CFAP54: variants seen among roughly 807,000 people sequenced by gnomAD.
CFAP54 encodes cilia- and flagella-associated protein 54.
A neutral mutation model predicts 370.4 loss-of-function variants in CFAP54; 290 were observed. The observed-to-expected ratio is 0.78, with a 90% CI of 0.71 to 0.86. CFAP54 has a LOEUF of 0.86. CFAP54 is among the 40% of genes least tolerant of loss of function. The pLI is 0.00. For missense variants in CFAP54, 3,399 were observed against 3,528.7 expected, an observed-to-expected ratio of 0.96 and a Z score of 0.93; for synonymous variants, 1,206 against 1,236.5, an observed-to-expected ratio of 0.98 and a Z score of 0.52.
chr12:96,534,332 A>G, intron 11 of CFAP54, 105 bp downstream of exon 11: 1 of 671,178 alleles, frequency 1.5e-6, no homozygotes, highest in South Asian at 2.2e-5. Flanking sequence ...CAAGAGGTAC[A>G]AAGGCCCTGA....
chr12:96,706,142 T>A (rs1957545596), intron 47 of CFAP54, among the ~76,000 whole-genome samples: 1 of 152,100 alleles, frequency 6.6e-6, no homozygotes, highest in Non-Finnish European at 1.5e-5. Context: ...AACTCCAAGC[T>A]CTCATGGAGC....
intron 39 of CFAP54, among the ~76,000 whole-genome samples, chr12:96,665,509 A>T (rs1957071014): frequency 6.6e-6 from 1 of 152,166 alleles, no homozygotes; most frequent in Admixed American, 6.5e-5. Flanking sequence ...TAGTGTAAGG[A>T]AGGGGTTTAG....
intron 26 of CFAP54, among the ~76,000 whole-genome samples, chr12:96,603,536 T>C (rs552979492): frequency 6.6e-6 from 1 of 152,360 alleles, no homozygotes; most frequent in Admixed American, 6.5e-5. Flanking sequence ...TCCTGGATAA[T>C]ATCCTGCAGA....
chr12:96,638,789 A>T (rs115612840), intron 32 of CFAP54, among the ~76,000 whole-genome samples: 2,834 of 151,702 alleles, frequency 0.019, 99 homozygotes, highest in African/African-American at 0.066. Context: ...TTTCTTCCTT[A>T]TTGTTCTGGC....
At chr12:96,702,236 A>AGGGGT (rs1957500388) in intron 46 of CFAP54, among the ~76,000 whole-genome samples, 1 of 14,756 alleles carries the variant, frequency 6.8e-5, no homozygotes, top group Non-Finnish European at 1.1e-4. Flanking sequence ...CATGTTAAGT[A>AGGGGT]TGAGACATGT....
At chr12:96,724,432 A>G (rs184040516) in intron 50 of CFAP54, among the ~76,000 whole-genome samples, 250 of 152,240 alleles carry the variant, frequency 1.6e-3, no homozygotes, top group African/African-American at 5.8e-3. Context: ...GCCAGTGATG[A>G]TGAGCATTTT....
At chr12:96,769,675 G>C (rs150371282) in intron 60 of CFAP54, among the ~76,000 whole-genome samples, 8 of 152,280 alleles carry the variant, frequency 5.3e-5, no homozygotes, top group African/African-American at 1.9e-4. Flanking sequence ...ACCTTTTATA[G>C]ACAGTAGTGG....
chr12:96,599,375 A>G (rs1362242430), intron 26 of CFAP54, among the ~76,000 whole-genome samples: 3 of 152,164 alleles, frequency 2.0e-5, no homozygotes, highest in Non-Finnish European at 2.9e-5. Context: ...TCCATGGTGT[A>G]TATGTGCCAC....
chr12:96,847,987 C>A (rs1959406521), intron 66 of CFAP54, among the ~76,000 whole-genome samples: 1 of 152,230 alleles, frequency 6.6e-6, no homozygotes, highest in African/African-American at 2.4e-5. Context: ...TGAACCAATT[C>A]TCTGCACAAA....
intron 55 of CFAP54, among the ~76,000 whole-genome samples, chr12:96,753,264 T>C (rs1389175870): frequency 1.3e-5 from 2 of 152,098 alleles, no homozygotes; most frequent in Non-Finnish European, 2.9e-5. Flanking sequence ...CCATCATGGG[T>C]TTGCTGTCTA....
At chr12:96,874,723 G>A (rs1165994841) in intron 67 of CFAP54, among the ~76,000 whole-genome samples, 2 of 142,920 alleles carry the variant, frequency 1.4e-5, no homozygotes, top group African/African-American at 2.6e-5. Flanking sequence ...TCCGCCTCCC[G>A]GGTTCACGCC....
At chr12:96,820,481 G>A (rs1784008285) in intron 65 of CFAP54, among the ~76,000 whole-genome samples, 1 of 152,162 alleles carries the variant, frequency 6.6e-6, no homozygotes, top group African/African-American at 2.4e-5. Flanking sequence ...CTAACCATAA[G>A]AGAATCTACT....
chr12:96,704,210 G>A (rs989080947), intron 46 of CFAP54, among the ~76,000 whole-genome samples: 7 of 151,792 alleles, frequency 4.6e-5, no homozygotes, highest in East Asian at 1.9e-4. Context: ...GGCAGATCAC[G>A]AGGTCAGGAT....
At chr12:96,752,604 T>C (rs11108668) in intron 55 of CFAP54, among the ~76,000 whole-genome samples, 2 of 152,188 alleles carry the variant, frequency 1.3e-5, no homozygotes, top group Non-Finnish European at 2.9e-5. Flanking sequence ...TCTTTAAAAT[T>C]ACCAAAGAGA....
chr12:96,812,661 G>T lies in CFAP54; in HGVS notation c.8957+819G>T, dbSNP rs141952982. Among the ~76,000 whole-genome samples the T allele has an allele frequency of 6.8e-3, 1,040 of 152,250 alleles. 9 individuals carry two copies. The highest frequency in any genetic ancestry group is 0.022 in the South Asian group (105 of 4,818). On this transcript the variant is annotated intron_variant, in intron 64 of 67. Transcript: ENST00000524981. ...AACGCCTGTTCCATCACTAAAGCCT[G>T]TTCCATCACTAACGCCTTTTCCATC...
At chr12:96,825,375 A>G (rs1565992594) in intron 65 of CFAP54, among the ~76,000 whole-genome samples, 2 of 116,780 alleles carry the variant, frequency 1.7e-5, no homozygotes, top group Non-Finnish European at 3.3e-5. Flanking sequence ...ATTATGTAAC[A>G]TGTGTTATAT....
At chr12:96,594,492 A>C (rs1222084843) in intron 25 of CFAP54, 46 bp downstream of exon 25, 2 of 1,353,432 alleles carry the variant, frequency 1.5e-6, no homozygotes, top group Non-Finnish European at 2.0e-6. Flanking sequence ...TTATAAAGGC[A>C]ACTTAACAAT....
chr12:96,736,851 A>G (rs1414717989), intron 50 of CFAP54, among the ~76,000 whole-genome samples: 3 of 152,220 alleles, frequency 2.0e-5, no homozygotes, highest in African/African-American at 7.2e-5. Flanking sequence ...AAATTCAACA[A>G]AACCAAACTT....
At chr12:96,728,663 T>G (rs940486459) in intron 50 of CFAP54, among the ~76,000 whole-genome samples, 7 of 152,224 alleles carry the variant, frequency 4.6e-5, no homozygotes, top group African/African-American at 7.2e-5. Context: ...ATCTGAAGCC[T>G]TCTTCTCTCA....
Sources: allele counts gnomAD v4.1 joint callset (sites outside exome capture counted in the v4.1 genomes callset), GRCh38; gene constraint gnomAD v4.1.1; transcripts MANE v1.5; gene names NCBI Gene and HGNC (gene_info 2026-07-23, HGNC 2026-07-21).